The following DENND2A variants were observed in gnomAD, a reference collection of about 807,000 sequenced individuals.
DENND2A encodes the protein DENN domain-containing protein 2A.
In DENND2A, 53 loss-of-function variants were observed where a neutral mutation model predicts 105.3. The ratio of observed to expected loss-of-function variants is 0.50; its 90% CI spans 0.40 to 0.63. The LOEUF is 0.63. Among genes scored for constraint, DENND2A ranks in the 30% least tolerant of loss-of-function variants. DENND2A has a pLI of 0.00. For synonymous variants in DENND2A, 522 were observed against 508.4 expected, an observed-to-expected ratio of 1.03 and a Z score of -0.36; for missense variants, 1,138 against 1,279.6, an observed-to-expected ratio of 0.89 and a Z score of 1.69.
intron 11 of DENND2A, among the ~76,000 whole-genome samples, chr7:140,556,336 A>T (rs974416336): frequency 2.0e-5 from 3 of 151,166 alleles, no homozygotes; most frequent in South Asian, 2.1e-4. Flanking sequence ...ACTTTTAAAA[A>T]TTTTTATTTA....
chr7:140,543,011 G>A (rs1032446423), intron 14 of DENND2A, among the ~76,000 whole-genome samples: 1 of 151,962 alleles, frequency 6.6e-6, no homozygotes, highest in Non-Finnish European at 1.5e-5. Flanking sequence ...GCCCTCCCTC[G>A]GTCTCCAGAA....
chr7:140,576,360 T>C (rs886316649), intron 5 of DENND2A, among the ~76,000 whole-genome samples: 1 of 152,234 alleles, frequency 6.6e-6, no homozygotes, highest in Non-Finnish European at 1.5e-5. Context: ...GTTCAATAAA[T>C]ATTCAATTCC....
chr7:140,594,383 C>T (rs968768841), intron 3 of DENND2A, among the ~76,000 whole-genome samples: 3 of 152,244 alleles, frequency 2.0e-5, no homozygotes, highest in Admixed American at 1.3e-4. Context: ...GTTCCTCTGA[C>T]ATGATGCAGT....
chr7:140,633,507 C>T (rs547923981), intron 1 of DENND2A, among the ~76,000 whole-genome samples: 1 of 152,258 alleles, frequency 6.6e-6, no homozygotes, highest in South Asian at 2.1e-4. Context: ...TATGGTTACC[C>T]TATATTTTAC....
chr7:140,564,879 G>A (rs1389875413), intron 9 of DENND2A, among the ~76,000 whole-genome samples: 1 of 152,192 alleles, frequency 6.6e-6, no homozygotes, highest in Non-Finnish European at 1.5e-5. Flanking sequence ...GATCTCTGTT[G>A]TGAGTCAGTG....
At chr7:140,548,614 A>AT (rs1461372770) in intron 12 of DENND2A, among the ~76,000 whole-genome samples, 4 of 147,870 alleles carry the variant, frequency 2.7e-5, no homozygotes, top group African/African-American at 7.6e-5. Context: ...TTTTTACTTT[A>AT]TTTTTTATTT....
intron 18 of DENND2A, among the ~76,000 whole-genome samples, 161 bp from the exon 19 acceptor site, chr7:140,519,879 T>G (rs985647960): frequency 1.3e-5 from 2 of 152,202 alleles, no homozygotes; most frequent in Non-Finnish European, 1.5e-5. Flanking sequence ...ATTTTATTGC[T>G]CTTATAATTG....
chr7:140,625,104 C>G (rs904048941), intron 1 of DENND2A, among the ~76,000 whole-genome samples: 1 of 152,098 alleles, frequency 6.6e-6, no homozygotes, highest in East Asian at 1.9e-4. Flanking sequence ...AGGCCAGGCA[C>G]GGTGGCTCAT....
intron 1 of DENND2A, among the ~76,000 whole-genome samples, chr7:140,615,823 G>C (rs1800064359): frequency 6.6e-6 from 1 of 151,892 alleles, no homozygotes. Context: ...AAAGTGCTAA[G>C]ATTACAGGTG....
At chr7:140,609,288 G>A (rs894338584) in intron 1 of DENND2A, among the ~76,000 whole-genome samples, 54 of 152,308 alleles carry the variant, frequency 3.5e-4, no homozygotes, top group Admixed American at 2.4e-3. Context: ...CAAGGCGGGC[G>A]GATCTCTTGA....
At chr7:140,576,379 C>T (rs1798301182) in intron 5 of DENND2A, among the ~76,000 whole-genome samples, 1 of 152,066 alleles carries the variant, frequency 6.6e-6, no homozygotes, top group Non-Finnish European at 1.5e-5. Flanking sequence ...CCATTTTCTT[C>T]CAGATTTTCT....
chr7:140,554,985 A>G (rs1024296856), intron 12 of DENND2A, among the ~76,000 whole-genome samples: 1 of 152,172 alleles, frequency 6.6e-6, no homozygotes, highest in Non-Finnish European at 1.5e-5. Flanking sequence ...TTCACGCCAA[A>G]GCTCATATGA....
intron 4 of DENND2A, among the ~76,000 whole-genome samples, chr7:140,586,070 G>A (rs542896733): frequency 2.0e-5 from 3 of 152,200 alleles, no homozygotes; most frequent in South Asian, 4.2e-4. Flanking sequence ...ACCTTGGCTG[G>A]TCTAATGAGG....
intron 5 of DENND2A, among the ~76,000 whole-genome samples, chr7:140,574,703 C>G (rs79635777): frequency 6.6e-6 from 1 of 152,080 alleles, no homozygotes; most frequent in Non-Finnish European, 1.5e-5. Flanking sequence ...CCCTCAATAT[C>G]TTATTTCTAA....
chr7:140,575,160 A>C (rs887953609), intron 5 of DENND2A, among the ~76,000 whole-genome samples: 2 of 152,250 alleles, frequency 1.3e-5, no homozygotes, highest in African/African-American at 4.8e-5. Flanking sequence ...ATGACTCAAA[A>C]GAAAAGCAGG....
chr7:140,565,849 A>G (rs1172556479), intron 9 of DENND2A, among the ~76,000 whole-genome samples: 7 of 152,026 alleles, frequency 4.6e-5, no homozygotes, highest in Non-Finnish European at 7.4e-5. Context: ...ACCCACCAAA[A>G]CCAAGATGGT....
Position 140,602,345 on chromosome 7 carries a change from C to A in DENND2A, c.53G>T (p.Ser18Ile). The change falls in exon 3 of 20, where the codon AGC becomes ATC. Residue 18 changes from serine to isoleucine, a missense_variant. Transcript: ENST00000496613. Reference sequence around the variant, plus strand: ...TCTGAGCTGCTTCTTCCCAGCCCTGCTGGCTTCTGCAGCTGGGTCACTGAT... The same window carrying A: ...TCTGAGCTGCTTCTTCCCAGCCCTGATGGCTTCTGCAGCTGGGTCACTGAT... Reference protein sequence around the residue: ...MIISDPAAEASRAGKKQLRGV... With the variant: ...MIISDPAAEAIRAGKKQLRGV... 1 of 1,595,392 alleles carries A rather than the reference C, an allele frequency of 6.3e-7. No homozygotes were observed.
chr7:140,632,819 C>T (rs531620292), intron 1 of DENND2A, among the ~76,000 whole-genome samples: 1 of 150,954 alleles, frequency 6.6e-6, no homozygotes, highest in South Asian at 2.1e-4. Flanking sequence ...CCCACCTCAG[C>T]CTCCCAAAGT....
intron 11 of DENND2A, among the ~76,000 whole-genome samples, chr7:140,557,527 ATATATTTTTTT>A (rs1376200078): frequency 9.0e-5 from 3 of 33,162 alleles, no homozygotes; most frequent in Admixed American, 4.5e-4. Context: ...ATATATATAT[ATATATTTTTTT>A]TTTTTTTTTT....
Sources: gnomAD v4.1 joint callset for allele counts (sites outside exome capture counted in the v4.1 genomes callset) on GRCh38, gnomAD v4.1.1 for gene constraint, MANE v1.5 for transcripts, NCBI Gene and HGNC (gene_info 2026-07-23, HGNC 2026-07-21) for gene names.